Variants in TMEM132D observed in about 807,000 individuals in gnomAD.
The protein encoded by TMEM132D is transmembrane protein 132D.
A neutral mutation model predicts 62.3 loss-of-function variants in TMEM132D; 21 were observed. The observed-to-expected ratio is 0.34, with a 90% confidence interval of 0.24 to 0.49. The LOEUF (loss-of-function observed/expected upper bound fraction) is 0.49. Among genes scored for constraint, TMEM132D ranks in the 20% least tolerant of loss-of-function variants. TMEM132D has a pLI of 0.99. For synonymous variants in TMEM132D, 621 were observed against 575.6 expected, an observed-to-expected ratio of 1.08 and a Z score of -1.13; for missense variants, 1,346 against 1,402.8, an observed-to-expected ratio of 0.96 and a Z score of 0.65.
intron 3 of TMEM132D, among the ~76,000 whole-genome samples, chr12:129,473,993 G>A (rs572591006): frequency 6.6e-6 from 1 of 152,244 alleles, no homozygotes; most frequent in South Asian, 2.1e-4. Flanking sequence ...GTTGTTTTTT[G>A]GAGACTTTCA....
At chr12:129,431,604 AT>A in intron 3 of TMEM132D, among the ~76,000 whole-genome samples, 1 of 152,050 alleles carries the variant, frequency 6.6e-6, no homozygotes, top group Non-Finnish European at 1.5e-5. Flanking sequence ...TCCCTCCTGC[AT>A]TTTACAACAG....
rs79956026 is a variant in TMEM132D, at chr12:129,123,349, A to T, written c.1444-38647T>A. On this transcript the variant is annotated intron_variant, in intron 5 of 8. Transcript: ENST00000422113. ...TAGTTGTTGATTTTTTTTTCAACCT[A>T]AATATTCGGTAATTCCGTGTACATA... 5.1e-3 allele frequency among the ~76,000 whole-genome samples: 777 copies of T among 152,018 alleles called. 28 individuals are homozygous for T. The highest frequency in any genetic ancestry group is 0.034 in the East Asian group (176 of 5,170).
At chr12:129,501,406 C>G (rs1875136208) in intron 3 of TMEM132D, among the ~76,000 whole-genome samples, 2 of 152,126 alleles carry the variant, frequency 1.3e-5, no homozygotes, top group Non-Finnish European at 1.5e-5. Flanking sequence ...GAGATGTGCT[C>G]ATTTCTCATC....
At chr12:129,312,540 T>A (rs1014546132) in intron 4 of TMEM132D, among the ~76,000 whole-genome samples, 1 of 152,204 alleles carries the variant, frequency 6.6e-6, no homozygotes, top group African/African-American at 2.4e-5. Context: ...ATATTAAGAA[T>A]TTTTTAGAAT....
intron 4 of TMEM132D, among the ~76,000 whole-genome samples, chr12:129,327,069 C>A (rs114576355): frequency 6.6e-6 from 1 of 152,016 alleles, no homozygotes; most frequent in Non-Finnish European, 1.5e-5. Context: ...TGTTGCCTAG[C>A]GAGAGAGTTC....
intron 4 of TMEM132D, among the ~76,000 whole-genome samples, chr12:129,289,362 G>T (rs1459487303): frequency 1.3e-5 from 2 of 151,768 alleles, no homozygotes; most frequent in East Asian, 3.9e-4. Context: ...TGGCCAACGT[G>T]GTGAAACTCC....
intron 4 of TMEM132D, among the ~76,000 whole-genome samples, chr12:129,297,070 C>T (rs949845719): frequency 6.6e-6 from 1 of 152,168 alleles, no homozygotes; most frequent in Non-Finnish European, 1.5e-5. Context: ...TTTCCTGTTT[C>T]AGAGTCTACA....
chr12:129,671,891 C>T (rs1880508946), intron 2 of TMEM132D, among the ~76,000 whole-genome samples: 1 of 152,110 alleles, frequency 6.6e-6, no homozygotes, highest in Non-Finnish European at 1.5e-5. Context: ...AATTGCAAGC[C>T]TGAGGTACAC....
chr12:129,888,690 C>G (rs921902504), intron 1 of TMEM132D, among the ~76,000 whole-genome samples: 2 of 152,158 alleles, frequency 1.3e-5, no homozygotes, highest in African/African-American at 4.8e-5. Flanking sequence ...GAGAGCAGAG[C>G]AAGACTCCGT....
chr12:129,265,209 C>T (rs1404032728), intron 4 of TMEM132D, among the ~76,000 whole-genome samples: 3 of 152,164 alleles, frequency 2.0e-5, no homozygotes, highest in Non-Finnish European at 4.4e-5. Context: ...ATGGACCAGC[C>T]AGGGTCATGT....
At chr12:129,370,042 C>T (rs576153393) in intron 3 of TMEM132D, among the ~76,000 whole-genome samples, 3 of 152,312 alleles carry the variant, frequency 2.0e-5, no homozygotes, top group South Asian at 4.1e-4. Context: ...CCCAGATCCA[C>T]CTGTCATTCT....
intron 5 of TMEM132D, among the ~76,000 whole-genome samples, chr12:129,192,797 G>C (rs1296443788): frequency 6.6e-6 from 1 of 152,120 alleles, no homozygotes; most frequent in South Asian, 2.1e-4. Flanking sequence ...TGGTAGCTGG[G>C]CGCCTCGTTT....
rs566722787 is a variant in TMEM132D at position 129,535,837 on chromosome 12, A to T, written c.969-4632T>A. On this transcript the variant is annotated intron_variant, in intron 2 of 8. Transcript: ENST00000422113. ...TGTTAGAAAAAAATGAAAGAGGAAG[A>T]GAGAGCAAAGAGAAAGGAAGGGGGA... 1.5e-4 allele frequency among the ~76,000 whole-genome samples: 23 copies of T among 151,806 alleles called. No individual in the cohort carries two copies. In the South Asian group the frequency reaches 4.6e-3, roughly 30 times the overall value.
intron 1 of TMEM132D, among the ~76,000 whole-genome samples, chr12:129,726,546 T>C (rs1869044787): frequency 6.6e-6 from 1 of 152,130 alleles, no homozygotes; most frequent in African/African-American, 2.4e-5. Flanking sequence ...ACAAAGGGTC[T>C]GTGGACCATG....
chr12:129,605,013 T>C (rs1381563886), intron 2 of TMEM132D, among the ~76,000 whole-genome samples: 1 of 152,250 alleles, frequency 6.6e-6, no homozygotes, highest in African/African-American at 2.4e-5. Context: ...ATGCTAATTT[T>C]AGTATTTTCC....
At chr12:129,249,948 G>A (rs1165624577) in intron 4 of TMEM132D, among the ~76,000 whole-genome samples, 1 of 152,120 alleles carries the variant, frequency 6.6e-6, no homozygotes, top group African/African-American at 2.4e-5. Flanking sequence ...AAAGGGCAAG[G>A]GGAGAATGTC....
chr12:129,578,202 C>A (rs879866701), intron 2 of TMEM132D, among the ~76,000 whole-genome samples: 1 of 152,142 alleles, frequency 6.6e-6, no homozygotes, highest in Non-Finnish European at 1.5e-5. Context: ...CTGGGAGTTA[C>A]ATCAGCAGCC....
chr12:129,208,671 C>T (rs1878929654), intron 5 of TMEM132D: 1 of 152,206 alleles, frequency 6.6e-6, no homozygotes, highest in Non-Finnish European at 1.5e-5. Flanking sequence ...CTCCCGGAGC[C>T]TCGTGAAGCC....
chr12:129,678,915 A>T (rs1242133329), intron 2 of TMEM132D, among the ~76,000 whole-genome samples: 1 of 152,046 alleles, frequency 6.6e-6, no homozygotes, highest in African/African-American at 2.4e-5. Flanking sequence ...GCTTCGTCAT[A>T]CAAAATCTCA....
Sources: allele counts gnomAD v4.1 joint callset (sites outside exome capture counted in the v4.1 genomes callset), GRCh38; gene constraint gnomAD v4.1.1; transcripts MANE v1.5; gene names NCBI Gene and HGNC (gene_info 2026-07-23, HGNC 2026-07-21).